SLC22A23: variants seen among roughly 807,000 people sequenced by gnomAD.
SLC22A23 encodes the protein ion transporter protein.
In SLC22A23, 26 loss-of-function variants were observed where a neutral mutation model predicts 61.0. The ratio of observed to expected loss-of-function variants is 0.43; its 90% CI spans 0.31 to 0.59. SLC22A23 has a LOEUF of 0.59. SLC22A23 is among the 20% of genes least tolerant of loss of function. The probability of loss-of-function intolerance (pLI) is 0.11; values close to 1 mark genes in which losing one functional copy is unlikely to be tolerated. For synonymous variants in SLC22A23, 430 were observed against 413.9 expected (o/e 1.04, Z -0.47); for missense variants, 796 against 934.7 (o/e 0.85, Z 1.94).
intron 5 of SLC22A23, among the ~76,000 whole-genome samples, chr6:3,292,188 G>A (rs1428208291): frequency 6.6e-6 from 1 of 152,184 alleles, no homozygotes; most frequent in Non-Finnish European, 1.5e-5. Context: ...TGAAGCTTCC[G>A]CAGCATTATA....
chr6:3,408,892 G>A (rs1316988754), intron 3 of SLC22A23, among the ~76,000 whole-genome samples: 1 of 152,224 alleles, frequency 6.6e-6, no homozygotes, highest in African/African-American at 2.4e-5. Flanking sequence ...GGGTCCCGGC[G>A]CACTTGCACA....
At chr6:3,332,754 C>CA (rs1312172833) in intron 3 of SLC22A23, among the ~76,000 whole-genome samples, 4 of 151,916 alleles carry the variant, frequency 2.6e-5, no homozygotes, top group Non-Finnish European at 5.9e-5. Context: ...TCAATTACTT[C>CA]AAAAAAGTCT....
chr6:3,443,915 T>C (rs1366003265), intron 1 of SLC22A23, among the ~76,000 whole-genome samples: 3 of 152,198 alleles, frequency 2.0e-5, no homozygotes, highest in African/African-American at 7.2e-5. Flanking sequence ...TGAGAAGATA[T>C]AGCTTCTGAG....
rs961187800 is a variant in SLC22A23, at chr6:3,410,658, A to G, written c.759-316T>C. Among the ~76,000 whole-genome samples, 1 of 152,182 alleles carries G rather than the reference A, an allele frequency of 6.6e-6. No individual in the cohort carries two copies. The highest frequency in any genetic ancestry group is 2.4e-5 in the African/African-American group (1 of 41,446). On this transcript the variant is annotated intron_variant, in intron 2 of 9. Transcript: ENST00000406686. This position sits in a 1 kb window ranked among gnomAD's most constrained non-coding sequence, Gnocchi z 5.0. ...AGTGATATAATTCAAGGCAAGGGGA[A>G]CAAAATTAATAATTCTCCAAACAGG...
intron 3 of SLC22A23, among the ~76,000 whole-genome samples, chr6:3,400,170 G>A (rs906122243): frequency 2.0e-4 from 30 of 152,156 alleles, no homozygotes; most frequent in Admixed American, 5.2e-4. Flanking sequence ...GAGCCACCGC[G>A]CCCCGCCCAT....
Position 3,328,105 on chromosome 6 carries a change from C to T in SLC22A23, c.914-4103G>A, listed in dbSNP as rs73354755. Among the ~76,000 whole-genome samples, 1,486 of 151,646 alleles carry T rather than the reference C, an allele frequency of 9.8e-3. 30 individuals carry two copies. The highest frequency in any genetic ancestry group is 0.035 in the African/African-American group (1,426 of 41,262). ...AAAAACAACCAACCAAACAAACAAC[C>T]GTTACTTTTCCCCTAACACCTTAAT... On this transcript the variant is annotated intron_variant, in intron 3 of 9. Transcript: ENST00000406686. This position sits in a 1 kb window ranked among gnomAD's most constrained non-coding sequence, Gnocchi z 5.0.
chr6:3,382,747 C>T (rs1032029410), intron 3 of SLC22A23, among the ~76,000 whole-genome samples: 5 of 152,184 alleles, frequency 3.3e-5, no homozygotes, highest in African/African-American at 1.2e-4. Flanking sequence ...AAACATATGG[C>T]CTGCAAAGCC....
At position 3,394,132 on chromosome 6, in the gene SLC22A23, A is replaced by G. The variant is rs557466371; in HGVS notation, c.913+16056T>C. ...AACCCAGAACTGGTCAGAGAACACC[A>G]CTGTGCTTTAGAGTAACAATTACAA... On this transcript the variant is annotated intron_variant, in intron 3 of 9. Transcript: ENST00000406686. 7.9e-5 allele frequency among the ~76,000 whole-genome samples: 12 copies of G among 152,212 alleles called. 1 individual carries two copies. The South Asian group carries it at 1.7e-3, about 21-fold the overall frequency.
intron 4 of SLC22A23, 92 bp downstream of exon 4, chr6:3,323,742 A>G: frequency 7.2e-7 from 1 of 1,381,684 alleles, no homozygotes. Flanking sequence ...AACTAGTGGG[A>G]AGTGTGGGGA....
At chr6:3,357,056 CAAAAAAAAAAAAAAAAAAA>C (rs66509026) in intron 3 of SLC22A23, among the ~76,000 whole-genome samples, 1 of 86,066 alleles carries the variant, frequency 1.2e-5, no homozygotes, top group East Asian at 3.7e-4. Flanking sequence ...AAAACAGAGC[CAAAAAAAAAAAAAAAAAAA>C]AAAAAAAAAC....
chr6:3,447,891 C>CT, intron 1 of SLC22A23, among the ~76,000 whole-genome samples: 1 of 46,056 alleles, frequency 2.2e-5, no homozygotes, highest in African/African-American at 1.8e-4. Context: ...CCTGGCCTCT[C>CT]TCTCTCTTTT....
At chr6:3,350,282 T>C (rs529863182) in intron 3 of SLC22A23, among the ~76,000 whole-genome samples, 25 of 152,246 alleles carry the variant, frequency 1.6e-4, no homozygotes, top group African/African-American at 5.5e-4. Flanking sequence ...TAAAGTAGGG[T>C]TGGAAAACTA....
chr6:3,456,379 C>A lies in SLC22A23; in HGVS notation c.181G>T (p.Gly61Cys), dbSNP rs1389339215. The change falls in exon 1 of 10, where the codon GGC becomes TGC. Residue 61 changes from glycine (G) to cysteine (C), a missense_variant. By Grantham distance (159) the Gly-to-Cys change is radical. Transcript: ENST00000406686. The surrounding 1 kb of genome is among the most constrained non-coding windows in gnomAD (Gnocchi z 7.1). ...GCGGAGCAGCAGCTCGGGTGCGGGC[C>A]GCCTCCAGGATGCAGTGGGGGCAGC... ...QPLPPLHPGG[G>C]PHPSCCSAAA... is the part of the protein sequence containing the mutation. 6.5e-7 allele frequency: 1 copy of A among 1,539,960 alleles called. No individual in the cohort carries two copies. The highest frequency in any genetic ancestry group is 8.8e-7 in the Non-Finnish European group (1 of 1,142,250).
intron 9 of SLC22A23, among the ~76,000 whole-genome samples, chr6:3,281,107 C>T (rs1042908257): frequency 2.6e-5 from 4 of 152,214 alleles, no homozygotes; most frequent in African/African-American, 9.7e-5. Flanking sequence ...TCCAGATGGA[C>T]AGTGGATAGA....
rs1220439731 is a variant in SLC22A23, at chr6:3,415,866, G to A, written c.655-11C>T. 2.6e-6 allele frequency: 4 copies of A among 1,528,394 alleles called. No individual in the cohort carries two copies. The highest frequency in any genetic ancestry group is 1.2e-5 in the South Asian group (1 of 83,450). The allele number at this position is 1,528,394 out of a possible 1,614,324, so 94.7% of individuals were successfully genotyped here. The stretch of plus-strand genomic sequence containing the variant: ...ACACACAAGATCCCACTAGAGAGGG[G>A]CAAATAGAAAATAAATCAGAGAGAA... On this transcript the variant is annotated splice_polypyrimidine_tract_variant and intron_variant, in intron 1 of 9. Coordinates refer to ENST00000406686, the MANE Select transcript of SLC22A23 (RefSeq NM_015482.2).
intron 1 of SLC22A23, among the ~76,000 whole-genome samples, chr6:3,442,680 T>A (rs1771672506): frequency 6.6e-6 from 1 of 152,224 alleles, no homozygotes; most frequent in African/African-American, 2.4e-5. Context: ...ATATGACCAC[T>A]GGGATGCTTG....
At chr6:3,302,601 C>T (rs1311415983) in intron 4 of SLC22A23, among the ~76,000 whole-genome samples, 1 of 152,112 alleles carries the variant, frequency 6.6e-6, no homozygotes, top group Non-Finnish European at 1.5e-5. Flanking sequence ...ACTGCTTTTG[C>T]TGTGTCCCAT....
chr6:3,385,241 G>C (rs1055334888), intron 3 of SLC22A23, among the ~76,000 whole-genome samples: 1 of 152,132 alleles, frequency 6.6e-6, no homozygotes, highest in Admixed American at 6.5e-5. Context: ...GGCTGGGCAC[G>C]GTGGCTCATG....
chr6:3,445,291 C>G (rs1033872688), intron 1 of SLC22A23, among the ~76,000 whole-genome samples: 5 of 152,114 alleles, frequency 3.3e-5, no homozygotes, highest in Admixed American at 6.5e-5. Context: ...TTCCGCCTCC[C>G]AGGTTCAAGC....
Sources: gnomAD v4.1 joint callset for allele counts (sites outside exome capture counted in the v4.1 genomes callset) on GRCh38, gnomAD v4.1.1 for gene constraint, Gnocchi (gnomAD v3.1) non-coding constraint, MANE v1.5 for transcripts, NCBI Gene and HGNC (gene_info 2026-07-23, HGNC 2026-07-21) for gene names.